The following ADGRL3 variants were observed in gnomAD, a reference collection of about 807,000 sequenced individuals.
The protein encoded by ADGRL3 is adhesion G protein-coupled receptor L3.
In ADGRL3, 62 loss-of-function variants were observed where a neutral mutation model predicts 153.5. That is an observed-to-expected ratio of 0.40 (90% CI 0.33 to 0.50). The LOEUF (loss-of-function observed/expected upper bound fraction) is 0.50, where lower values mean the gene tolerates loss of function less well. Among genes scored for constraint, ADGRL3 ranks in the 20% least tolerant of loss-of-function variants. ADGRL3 has a pLI of 0.47. For synonymous variants in ADGRL3, 710 were observed against 672.5 expected (o/e 1.06, Z -0.86); for missense variants, 1,641 against 1,859.4 (o/e 0.88, Z 2.16).
Position 61,390,765 on chromosome 4 carries a change from A to G in ADGRL3, c.-174+7576A>G, listed in dbSNP as rs537009481. Among the ~76,000 whole-genome samples, 16 of 152,310 alleles carry G rather than the reference A, an allele frequency of 1.1e-4. No homozygotes were observed. The East Asian group carries it at 2.5e-3, about 24-fold the overall frequency. On this transcript the variant is annotated intron_variant, in intron 2 of 26. Transcript: ENST00000683033. ...AGAGAATTGTGTAATTTTTACCACA[A>G]TTAGGATACAAAACAGTTTTATCAC...
At chr4:61,893,686 A>T (rs377576544) in intron 10 of ADGRL3, among the ~76,000 whole-genome samples, 46 of 149,052 alleles carry the variant, frequency 3.1e-4, no homozygotes, top group African/African-American at 1.1e-3. Flanking sequence ...TAGGGGATAG[A>T]TAAGAACTCA....
intron 4 of ADGRL3, among the ~76,000 whole-genome samples, chr4:61,530,071 T>C (rs1024199432): frequency 4.6e-5 from 7 of 152,176 alleles, no homozygotes; most frequent in African/African-American, 7.2e-5. Flanking sequence ...CAGTATGATG[T>C]ATTTCCAGGT....
chr4:61,559,437 A>G (rs530748135), intron 4 of ADGRL3, among the ~76,000 whole-genome samples: 1 of 152,214 alleles, frequency 6.6e-6, no homozygotes, highest in South Asian at 2.1e-4. Flanking sequence ...ATACTTAAAT[A>G]AAAATTAGAA....
In ADGRL3 at chr4:62,070,704, C is replaced by A; in HGVS notation, c.4428C>A (p.Pro1476=). Residue 1476 remains proline, a synonymous_variant, in exon 27 of 27, where the codon CCC becomes CCA. Transcript: ENST00000683033. ...TTACCACCAGCACCCAGACCGAACCCCCACCGGCCAAATGTGGTGATGCCG... is the reference window on the plus strand; with the variant it reads ...TTACCACCAGCACCCAGACCGAACCACCACCGGCCAAATGTGGTGATGCCG... ...ESVTTSTQTE[P]PPAKCGDAED... The A allele has an allele frequency of 6.4e-7, 1 of 1,551,586 alleles. No homozygotes were observed. Among genetic ancestry groups the A allele is most frequent in the South Asian group, 1.2e-5 (1 of 84,050 alleles).
chr4:61,336,436 C>T (rs2095675794), intron 1 of ADGRL3, among the ~76,000 whole-genome samples: 1 of 152,272 alleles, frequency 6.6e-6, no homozygotes, highest in East Asian at 1.9e-4. Flanking sequence ...GAAGCTAAGT[C>T]TCTGCTCCTT....
At chr4:61,469,966 G>T (rs2152677183) in intron 2 of ADGRL3, among the ~76,000 whole-genome samples, 2 of 151,774 alleles carry the variant, frequency 1.3e-5, no homozygotes, top group East Asian at 1.9e-4. Context: ...GCACTCTGAA[G>T]TATTATTACT....
At chr4:61,676,736 A>G (rs2095208283) in intron 5 of ADGRL3, 90 bp from the exon 6 acceptor site, 2 of 908,006 alleles carry the variant, frequency 2.2e-6, no homozygotes, top group Non-Finnish European at 3.7e-6. Context: ...AAATCTGTAT[A>G]ACAGGAACTA....
rs538450353 is a variant in ADGRL3, at chr4:61,744,179, C to T, written c.1399+10625C>T. 2.6e-5 allele frequency among the ~76,000 whole-genome samples: 4 copies of T among 152,302 alleles called. No homozygotes were observed. In the South Asian group the frequency reaches 6.2e-4, roughly 24 times the overall value. On this transcript the variant is annotated intron_variant, in intron 8 of 26. Transcript: ENST00000683033. ...TGGGGGAGGGGCACCCACCATTGCC[C>T]AGGCTAGCTTAGGTAAACAAAGCAG...
intron 8 of ADGRL3, among the ~76,000 whole-genome samples, chr4:61,733,771 C>T (rs116716036): frequency 0.014 from 2,172 of 152,292 alleles, 19 homozygotes; most frequent in Non-Finnish European, 0.021. Flanking sequence ...TTCTGCTCAA[C>T]TCCAGTCTTC....
intron 9 of ADGRL3, among the ~76,000 whole-genome samples, chr4:61,873,988 G>A (rs2098459926): frequency 6.6e-6 from 1 of 152,166 alleles, no homozygotes; most frequent in African/African-American, 2.4e-5. Flanking sequence ...ATAAAGATAT[G>A]AAGCCAGATC....
At chr4:61,976,468 G>T (rs1560456205) in intron 17 of ADGRL3, among the ~76,000 whole-genome samples, 1 of 152,088 alleles carries the variant, frequency 6.6e-6, no homozygotes, top group Non-Finnish European at 1.5e-5. Flanking sequence ...ACCTTGAATT[G>T]CAATAATCAA....
At chr4:61,370,394 G>A (rs1354455396) in intron 1 of ADGRL3, among the ~76,000 whole-genome samples, 3 of 151,418 alleles carry the variant, frequency 2.0e-5, no homozygotes, top group Non-Finnish European at 4.4e-5. Flanking sequence ...TCTACACACT[G>A]CTTTGAATGT....
chr4:61,322,900 C>G (rs1354058058), intron 1 of ADGRL3, among the ~76,000 whole-genome samples: 1 of 152,222 alleles, frequency 6.6e-6, no homozygotes, highest in Non-Finnish European at 1.5e-5. Context: ...AGTAGGGACT[C>G]TGTGTGGGGC....
At chr4:61,520,652 C>CTGTGTGTGTGTGTGTGTGTG (rs545112505) in intron 4 of ADGRL3, among the ~76,000 whole-genome samples, 2,118 of 118,402 alleles carry the variant, frequency 0.018, 55 homozygotes, top group African/African-American at 0.042. Context: ...CTATAAACCT[C>CTGTGTGTGTGTGTGTGTGTG]TGTGTGTGTG....
intron 17 of ADGRL3, among the ~76,000 whole-genome samples, chr4:61,976,732 G>C (rs759057146): frequency 5.3e-5 from 8 of 152,102 alleles, no homozygotes; most frequent in Non-Finnish European, 1.0e-4. Flanking sequence ...CTTGTAAGAC[G>C]TGTCTTGCTC....
chr4:61,835,250 T>G (rs947835292), intron 9 of ADGRL3, among the ~76,000 whole-genome samples: 1 of 146,418 alleles, frequency 6.8e-6, no homozygotes, highest in Non-Finnish European at 1.5e-5. Context: ...CTGCGGCTCC[T>G]CCTCTGTTTT....
At chr4:61,281,638 C>T (rs770013714) in intron 1 of ADGRL3, among the ~76,000 whole-genome samples, 5 of 152,168 alleles carry the variant, frequency 3.3e-5, no homozygotes, top group Non-Finnish European at 5.9e-5. Context: ...GATGCCTTAT[C>T]GCCATGAAGC....
chr4:61,428,722 A>G (rs1027383955), intron 2 of ADGRL3, among the ~76,000 whole-genome samples: 1 of 152,162 alleles, frequency 6.6e-6, no homozygotes, highest in Non-Finnish European at 1.5e-5. Flanking sequence ...TGAGTATTAA[A>G]TGAATTAATA....
At position 61,517,277 on chromosome 4, in the gene ADGRL3, G is replaced by C. The variant is rs979405838; in HGVS notation, c.56-38G>C. 1.0e-5 allele frequency: 7 copies of C among 699,926 alleles called. No individual in the cohort carries two copies. In the African/African-American group the frequency reaches 1.2e-4, roughly 12 times the overall value. 43.4% of individuals were successfully genotyped at this position (699,926 alleles called of 1,614,324 possible). A position where few individuals can be genotyped will look rare whatever the true frequency, so the allele number is the denominator to read the frequency against. ...GGCTCCCCTGAGGCGGGACTGAGGT[G>C]AGCAGGGGTCTGATGGTGCGCCCTG... On this transcript the variant is annotated intron_variant, in intron 3 of 26. Transcript: ENST00000683033.
Sources: allele counts gnomAD v4.1 joint callset (sites outside exome capture counted in the v4.1 genomes callset), GRCh38; gene constraint gnomAD v4.1.1; transcripts MANE v1.5; gene names NCBI Gene and HGNC (gene_info 2026-07-23, HGNC 2026-07-21).